Variants in FBXL2 observed in about 807,000 individuals in gnomAD.
FBXL2 encodes the protein F-box and leucine rich repeat protein 2, also known as F-box/LRR-repeat protein 2.
In FBXL2, 38 loss-of-function variants were observed where a neutral mutation model predicts 69.2. The ratio of observed to expected loss-of-function variants is 0.55; its 90% confidence interval spans 0.42 to 0.72. The LOEUF (loss-of-function observed/expected upper bound fraction) is 0.72. FBXL2 is among the 30% of genes least tolerant of loss of function. FBXL2 has a pLI of 0.00. For missense variants in FBXL2, 354 were observed against 520.3 expected, an observed-to-expected ratio of 0.68 and a Z score of 3.11; for synonymous variants, 192 against 201.3, an observed-to-expected ratio of 0.95 and a Z score of 0.39.
intron 4 of FBXL2, among the ~76,000 whole-genome samples, chr3:33,364,077 T>C (rs977690144): frequency 1.3e-5 from 2 of 152,356 alleles, no homozygotes; most frequent in Non-Finnish European, 2.9e-5. Flanking sequence ...CTTCCTCTAA[T>C]ATCTCTGCCA....
At chr3:33,409,314 G>A in the FBXL2 span, 1 of 1,614,024 alleles carries the variant, frequency 6.2e-7, no homozygotes, top group Admixed American at 1.7e-5. Context: ...TCTTCTCTCG[G>A]TCAGTTTTTT....
At chr3:33,346,028 A>G (rs1031224547) in intron 2 of FBXL2, among the ~76,000 whole-genome samples, 1 of 152,074 alleles carries the variant, frequency 6.6e-6, no homozygotes, top group African/African-American at 2.4e-5. Flanking sequence ...GGAGTTTGAG[A>G]CCAGCCTGGC....
chr3:33,386,513 TAAA>T lies in FBXL2; in HGVS notation c.*908_*910del, dbSNP rs1172313719. 2.6e-5 allele frequency: 4 copies of T among 152,150 alleles called. No individual in the cohort carries two copies. The highest frequency in any genetic ancestry group is 5.9e-5 in the Non-Finnish European group (4 of 68,022). 9.4% of individuals were successfully genotyped at this position (152,150 alleles called of 1,614,324 possible). On this transcript the variant is annotated 3_prime_UTR_variant, in exon 15 of 15. Transcript: ENST00000484457. ...TTTTTTCAAGCTTATTTTGAAATCTTAAAAATCAGGTTACACCATAGCTACTCA... is the reference window on the plus strand; with the variant it reads ...TTTTTTCAAGCTTATTTTGAAATCTTAATCAGGTTACACCATAGCTACTCA...
chr3:33,311,602 G>C (rs1221374093), intron 2 of FBXL2, among the ~76,000 whole-genome samples: 1 of 151,752 alleles, frequency 6.6e-6, no homozygotes, highest in Non-Finnish European at 1.5e-5. Flanking sequence ...TTAAGTCATT[G>C]TGTTCTTAGC....
At chr3:33,329,080 T>G (rs187901142) in intron 2 of FBXL2, among the ~76,000 whole-genome samples, 136 of 152,092 alleles carry the variant, frequency 8.9e-4, no homozygotes, top group Non-Finnish European at 1.2e-3. Flanking sequence ...CCGACCCAGA[T>G]AGTCCAATTA....
chr3:33,321,892 A>G (rs189698218), intron 2 of FBXL2, among the ~76,000 whole-genome samples: 33 of 152,218 alleles, frequency 2.2e-4, no homozygotes, highest in African/African-American at 7.9e-4. Context: ...CTGAAATGTC[A>G]TTATCCAGTG....
intron 12 of FBXL2, chr3:33,396,937 G>A (rs2044022340): frequency 1.1e-5 from 11 of 970,100 alleles, no homozygotes; most frequent in East Asian, 5.1e-5. Flanking sequence ...GCTCGATGGC[G>A]CACACAGGCA....
chr3:33,311,095 A>G (rs894584681), intron 2 of FBXL2, among the ~76,000 whole-genome samples: 3 of 152,176 alleles, frequency 2.0e-5, no homozygotes, highest in African/African-American at 4.8e-5. Flanking sequence ...TATTTTGACT[A>G]TGTCATCCTA....
chr3:33,294,868 A>T (rs1321327399), intron 1 of FBXL2, among the ~76,000 whole-genome samples: 4 of 151,730 alleles, frequency 2.6e-5, no homozygotes, highest in African/African-American at 9.7e-5. Flanking sequence ...AAGTCCAGTC[A>T]GTAACTTTGC....
rs560705702 is a variant in FBXL2, at chr3:33,306,148, CTCT to C, written c.65+8428_65+8430del. On this transcript the variant is annotated intron_variant, in intron 2 of 14. Coordinates refer to ENST00000484457, the MANE Select transcript of FBXL2 (RefSeq NM_012157.5). ...TGAGCCTTAGACAATTAACTCAAAG[CTCT>C]TCTTTTGTTGCATTCTACAAATTTT... 1.1e-4 allele frequency among the ~76,000 whole-genome samples: 16 copies of C among 152,180 alleles called. 1 individual carries two copies. The South Asian group carries it at 3.1e-3, about 30-fold the overall frequency.
At chr3:33,366,461 T>C (rs1211231561) in intron 5 of FBXL2, among the ~76,000 whole-genome samples, 1 of 151,686 alleles carries the variant, frequency 6.6e-6, no homozygotes, top group Non-Finnish European at 1.5e-5. Flanking sequence ...GAGCCCAGGA[T>C]TTTGAGACCA....
At chr3:33,362,609 T>C (rs1226690763) in intron 4 of FBXL2, among the ~76,000 whole-genome samples, 3 of 152,216 alleles carry the variant, frequency 2.0e-5, no homozygotes, top group Non-Finnish European at 4.4e-5. Context: ...TAACTTGATA[T>C]TCCCCATCCT....
intron 4 of FBXL2, among the ~76,000 whole-genome samples, chr3:33,360,777 T>A (rs2041552430): frequency 1.3e-5 from 2 of 152,108 alleles, no homozygotes; most frequent in African/African-American, 4.8e-5. Context: ...AAAATTGTAG[T>A]CATTTCTACT....
chr3:33,358,945 T>G, intron 2 of FBXL2, 22 bp from the exon 3 acceptor site: 1 of 1,480,504 alleles, frequency 6.8e-7, no homozygotes, highest in Admixed American at 2.1e-5. Context: ...CTCGTTTTTG[T>G]GTTTTTTTCC....
the FBXL2 span, chr3:33,416,156 C>T: frequency 6.6e-6 from 1 of 152,154 alleles, no homozygotes; most frequent in Non-Finnish European, 1.5e-5. Flanking sequence ...CTTAGTTAGC[C>T]ACATGAGGTT....
the FBXL2 span, among the ~76,000 whole-genome samples, chr3:33,409,768 A>G: frequency 6.6e-6 from 1 of 152,236 alleles, no homozygotes; most frequent in Non-Finnish European, 1.5e-5. Context: ...TTTTTAAGAT[A>G]TGGCTTCCCT....
At chr3:33,313,549 A>T (rs969271874) in intron 2 of FBXL2, among the ~76,000 whole-genome samples, 1 of 151,998 alleles carries the variant, frequency 6.6e-6, no homozygotes, top group Non-Finnish European at 1.5e-5. Context: ...GGGCTCAAGC[A>T]ATCCTCCTGA....
At chr3:33,344,951 A>G (rs577701688) in intron 2 of FBXL2, among the ~76,000 whole-genome samples, 5 of 152,358 alleles carry the variant, frequency 3.3e-5, no homozygotes, top group South Asian at 4.1e-4. Flanking sequence ...TGTTAAAGAA[A>G]TTGAATCCAC....
chr3:33,282,956 A>G (rs1222775517), intron 1 of FBXL2, among the ~76,000 whole-genome samples: 10 of 152,120 alleles, frequency 6.6e-5, no homozygotes, highest in Non-Finnish European at 1.0e-4. Flanking sequence ...GGCTGAGATA[A>G]TGGGGTTTTC....
Sources: gnomAD v4.1 joint callset for allele counts (sites outside exome capture counted in the v4.1 genomes callset) on GRCh38, gnomAD v4.1.1 for gene constraint, MANE v1.5 for transcripts, NCBI Gene and HGNC (gene_info 2026-07-23, HGNC 2026-07-21) for gene names.